Variants in HNRNPDL observed in about 807,000 individuals in gnomAD.
HNRNPDL encodes heterogeneous nuclear ribonucleoprotein D like.
A neutral mutation model predicts 48.0 loss-of-function variants in HNRNPDL; 18 were observed. The observed-to-expected ratio is 0.38, with a 90% CI of 0.26 to 0.56. HNRNPDL has a LOEUF of 0.56. Among genes scored for constraint, HNRNPDL ranks in the 20% least tolerant of loss-of-function variants. HNRNPDL has a pLI of 0.77. For synonymous variants in HNRNPDL, 306 were observed against 207.3 expected (o/e 1.48, Z -4.09); for missense variants, 553 against 540.7 (o/e 1.02, Z -0.23).
At chr4:82,428,492 G>A (rs981650493) in intron 1 of HNRNPDL, 46 bp from the exon 2 acceptor site, 3 of 1,424,468 alleles carry the variant, frequency 2.1e-6, no homozygotes, top group Non-Finnish European at 2.9e-6. Context: ...TAACTCAAAT[G>A]ATCCTTCAGT....
chr4:82,426,278 C>T, intron 6 of HNRNPDL, 149 bp from the exon 7 acceptor site: 1 of 850,678 alleles, frequency 1.2e-6, no homozygotes, highest in Non-Finnish European at 1.9e-6. Flanking sequence ...ATAAATCATA[C>T]ATCCTAGTTC....
Position 82,429,701 on chromosome 4 carries a change from C to G in HNRNPDL, c.-11G>C. Reference sequence around the variant, plus strand: ...GGGCGGGACCTCCATCGCGGCCCTCCCGGCAAGGAGAGAGGCCACGCGTGA... The same window carrying G: ...GGGCGGGACCTCCATCGCGGCCCTCGCGGCAAGGAGAGAGGCCACGCGTGA... On this transcript the variant is annotated 5_prime_UTR_variant, in exon 1 of 8. Coordinates refer to ENST00000295470, the MANE Select transcript of HNRNPDL (RefSeq NM_031372.4). The G allele has an allele frequency of 7.4e-7, 1 of 1,348,948 alleles. No homozygotes were observed. The highest frequency in any genetic ancestry group is 9.5e-7 in the Non-Finnish European group (1 of 1,053,330). 83.6% of individuals were successfully genotyped at this position (1,348,948 alleles called of 1,614,324 possible). A position where few individuals can be genotyped will look rare whatever the true frequency, so the allele number is the denominator to read the frequency against.
chr4:82,428,698 C>G (rs1466733234), intron 1 of HNRNPDL, among the ~76,000 whole-genome samples: 1 of 152,222 alleles, frequency 6.6e-6, no homozygotes, highest in African/African-American at 2.4e-5. Context: ...AGTAAAGGTT[C>G]TGCCCAGATT....
chr4:82,426,606 A>G lies in HNRNPDL; in HGVS notation c.1049T>C (p.Phe350Ser), dbSNP rs775087317. The G allele has an allele frequency of 1.8e-5, 29 of 1,613,736 alleles. No homozygotes were observed. The highest frequency in any genetic ancestry group is 2.5e-5 in the Non-Finnish European group (29 of 1,179,938). ...RGQGQNWNQG[F>S]NNYYDQGYGN... is the part of the protein sequence containing the mutation. ...ATATCCTTGATCATAATAGTTATTAAATCCTTGGTTCCAGTTTTGGCCCTG... is the reference window on the plus strand; with the variant it reads ...ATATCCTTGATCATAATAGTTATTAGATCCTTGGTTCCAGTTTTGGCCCTG... Residue 350 changes from phenylalanine (F) to serine (S), a missense_variant, in exon 6 of 8, where the codon TTT becomes TCT. By Grantham distance (155) the Phe-to-Ser change is radical. Transcript: ENST00000295470.
In HNRNPDL at chr4:82,429,891, C is replaced by G; in HGVS notation, c.-201G>C. The G allele has an allele frequency of 2.5e-6, 1 of 396,240 alleles. No homozygotes were observed. Among genetic ancestry groups the G allele is most frequent in the Non-Finnish European group, 4.4e-6 (1 of 226,374 alleles). 24.5% of individuals were successfully genotyped at this position (396,240 alleles called of 1,614,324 possible). A position where few individuals can be genotyped will look rare whatever the true frequency, so the allele number is the denominator to read the frequency against. On this transcript the variant is annotated 5_prime_UTR_variant, in exon 1 of 8. Transcript: ENST00000295470. ...GTCCAGCCCACTCCTACCAAAAAGC[C>G]GTCAACCCCGCCTTTTTCTGCCCTC...
At chr4:82,427,332 T>G in intron 4 of HNRNPDL, 28 bp from the exon 5 acceptor site, 1 of 1,544,660 alleles carries the variant, frequency 6.5e-7, no homozygotes, top group Non-Finnish European at 8.8e-7. Context: ...GAAAGTATAA[T>G]TTTTACCGAA....
In HNRNPDL at chr4:82,425,973, T is replaced by C. The variant is rs985173943; in HGVS notation, c.*22+64A>G. Reference sequence around the variant, plus strand: ...CATAGTATTTTGTTTTTACGTTTCATTTGTCTATTGATCTTTAAATTAAAT... The same window carrying C: ...CATAGTATTTTGTTTTTACGTTTCACTTGTCTATTGATCTTTAAATTAAAT... On this transcript the variant is annotated intron_variant, in intron 7 of 7. Coordinates refer to ENST00000295470, the MANE Select transcript of HNRNPDL (RefSeq NM_031372.4). The C allele has an allele frequency of 3.8e-5, 42 of 1,091,854 alleles. No individual in the cohort carries two copies. In the African/African-American group the frequency reaches 6.4e-4, roughly 17 times the overall value. 67.6% of individuals were successfully genotyped at this position (1,091,854 alleles called of 1,614,324 possible).
At chr4:82,427,072 C>G (rs912259805) in intron 5 of HNRNPDL, 118 bp downstream of exon 5, 2 of 783,050 alleles carry the variant, frequency 2.6e-6, no homozygotes, top group East Asian at 4.9e-5. Context: ...GCTGAACAGT[C>G]CCCCCTCCGC....
intron 7 of HNRNPDL, 132 bp from the exon 8 acceptor site, chr4:82,425,015 G>GT (rs1721361435): frequency 6.6e-6 from 1 of 152,084 alleles, no homozygotes; most frequent in African/African-American, 2.4e-5. Flanking sequence ...ATATTTATTG[G>GT]TAAAATACAG....
chr4:82,430,018 A>T lies in HNRNPDL; in HGVS notation c.-328T>A. 6.3e-6 allele frequency: 1 copy of T among 157,760 alleles called. No individual in the cohort carries two copies. The highest frequency in any genetic ancestry group is 1.4e-5 in the Non-Finnish European group (1 of 73,456). 9.8% of individuals were successfully genotyped at this position (157,760 alleles called of 1,614,324 possible). On this transcript the variant is annotated 5_prime_UTR_variant, in exon 1 of 8. Transcript: ENST00000295470. ...GGACTGCGCCCGGCGCTGGCGACTGAGGCGGCGAGCGCGCTCGCCCGCCGC... is the reference window on the plus strand; with the variant it reads ...GGACTGCGCCCGGCGCTGGCGACTGTGGCGGCGAGCGCGCTCGCCCGCCGC...
At position 82,429,346 on chromosome 4, in the gene HNRNPDL, G is replaced by A. The variant is rs999620136; in HGVS notation, c.345C>T (p.Asp115=). 6.2e-7 allele frequency: 1 copy of A among 1,613,856 alleles called. No homozygotes were observed. The highest frequency in any genetic ancestry group is 8.5e-7 in the Non-Finnish European group (1 of 1,179,892). The part of the protein sequence containing the change: ...TRTARQHPPA[D]SSVTMEDMNE... ...TCATATCCTCCATAGTGACGGAGCT[G>A]TCGGCAGGGGGGTGCTGGCGCGCAG... The change falls in exon 1 of 8, where the codon GAC becomes GAT. Residue 115 remains aspartate (D), a synonymous_variant. Coordinates refer to ENST00000295470, the MANE Select transcript of HNRNPDL (RefSeq NM_031372.4).
rs1481864853 is a variant in HNRNPDL, at chr4:82,422,617, T to A, written c.*2289A>T. The A allele has an allele frequency of 6.6e-5, 10 of 152,344 alleles. No homozygotes were observed. The highest frequency in any genetic ancestry group is 2.9e-5 in the Non-Finnish European group (2 of 68,040). The allele number at this position is 152,344 out of a possible 1,614,324, so 9.4% of individuals were successfully genotyped here. ...TAGTCCTCATCTTATAAAAGTGAGA[T>A]TACAGATTAACATGTTAACCAAAGA... On this transcript the variant is annotated 3_prime_UTR_variant, in exon 8 of 8. Coordinates refer to ENST00000295470, the MANE Select transcript of HNRNPDL (RefSeq NM_031372.4).
At chr4:82,429,196 G>A in intron 1 of HNRNPDL, 52 bp downstream of exon 1, 4 of 1,546,440 alleles carry the variant, frequency 2.6e-6, no homozygotes, top group East Asian at 2.2e-5. Flanking sequence ...AGGAACGAAG[G>A]GCGCGTGCGG....
In HNRNPDL at chr4:82,429,758, A is replaced by G. The variant is rs1198971247; in HGVS notation, c.-68T>C. 1.6e-6 allele frequency: 2 copies of G among 1,226,662 alleles called. No homozygotes were observed. The highest frequency in any genetic ancestry group is 1.6e-5 in the African/African-American group (1 of 62,940). The allele number at this position is 1,226,662 out of a possible 1,614,324, so 76.0% of individuals were successfully genotyped here. A position where few individuals can be genotyped will look rare whatever the true frequency, so the allele number is the denominator to read the frequency against. On this transcript the variant is annotated 5_prime_UTR_variant, in exon 1 of 8. Coordinates refer to ENST00000295470, the MANE Select transcript of HNRNPDL (RefSeq NM_031372.4). ...GCGGGCTTGGGAGAAGAGAAGAATC[A>G]GAAGAGAAAAACGAAGGGGCGTAAA... is the stretch of plus-strand genomic sequence containing the variant.
rs1260834471 is a variant in HNRNPDL at position 82,430,099 on chromosome 4, G to T, written c.-409C>A. 1 of 153,422 alleles carries T rather than the reference G, an allele frequency of 6.5e-6. No individual in the cohort carries two copies. The highest frequency in any genetic ancestry group is 6.5e-5 in the Admixed American group (1 of 15,292). The allele number at this position is 153,422 out of a possible 1,614,324, so 9.5% of individuals were successfully genotyped here. On this transcript the variant is annotated 5_prime_UTR_variant, in exon 1 of 8. Transcript: ENST00000295470. ...GGAACCAGCCGAACAGGAAGCGGGC[G>T]CGCGACGGCTCCTCCGGGCAGCGCA...
Position 82,428,479 on chromosome 4 carries a change from CAATAACTCAAAT to C in HNRNPDL, c.444-45_444-34del, listed in dbSNP as rs771164013. ...TAAAAGTGTTTTTAAAAAAAATTAA[CAATAACTCAAAT>C]GATCCTTCAGTTCTGGAATTAAATC... On this transcript the variant is annotated intron_variant, in intron 1 of 7. Coordinates refer to ENST00000295470, the MANE Select transcript of HNRNPDL (RefSeq NM_031372.4). The C allele has an allele frequency of 3.3e-6, 5 of 1,506,656 alleles. No homozygotes were observed. In the Middle Eastern group the frequency reaches 5.2e-4, roughly 156 times the overall value. 93.3% of individuals were successfully genotyped at this position (1,506,656 alleles called of 1,614,324 possible).
chr4:82,429,902 C>T lies in HNRNPDL; in HGVS notation c.-212G>A. 1 of 390,094 alleles carries T rather than the reference C, an allele frequency of 2.6e-6. No homozygotes were observed. 24.2% of individuals were successfully genotyped at this position (390,094 alleles called of 1,614,324 possible). On this transcript the variant is annotated 5_prime_UTR_variant, in exon 1 of 8. Transcript: ENST00000295470. ...TCCTACCAAAAAGCCGTCAACCCCG[C>T]CTTTTTCTGCCCTCGGTTCGCCAGT...
At chr4:82,428,701 C>T (rs905513399) in intron 1 of HNRNPDL, among the ~76,000 whole-genome samples, 1 of 152,216 alleles carries the variant, frequency 6.6e-6, no homozygotes, top group African/African-American at 2.4e-5. Context: ...AAAGGTTCTG[C>T]CCAGATTCCT....
At chr4:82,426,692 A>C (rs189595271) in intron 5 of HNRNPDL, 59 bp from the exon 6 acceptor site, 500 of 1,386,252 alleles carry the variant, frequency 3.6e-4, no homozygotes, top group Non-Finnish European at 1.6e-4. Context: ...TCTAACATAA[A>C]ATGATGCGTT....
Sources: allele counts gnomAD v4.1 joint callset (sites outside exome capture counted in the v4.1 genomes callset), GRCh38; gene constraint gnomAD v4.1.1; transcripts MANE v1.5; gene names NCBI Gene and HGNC (gene_info 2026-07-23, HGNC 2026-07-21).